BSPH1: variants seen among roughly 807,000 people sequenced by gnomAD.
BSPH1 encodes the protein binder of sperm 1.
A neutral mutation model predicts 22.5 loss-of-function variants in BSPH1; 21 were observed. That is an observed-to-expected ratio of 0.93 (90% confidence interval 0.66 to 1.35). The LOEUF (loss-of-function observed/expected upper bound fraction) is 1.35, where lower values mean the gene tolerates loss of function less well. Among genes scored for constraint, BSPH1 ranks in the 40% most tolerant of loss-of-function variants. The pLI is 0.00. For synonymous variants in BSPH1, 42 were observed against 53.6 expected (o/e 0.78, Z 0.95); for missense variants, 141 against 154.2 (o/e 0.91, Z 0.45).
intron 5 of BSPH1, among the ~76,000 whole-genome samples, chr19:47,970,112 G>A (rs1001132542): frequency 1.1e-4 from 17 of 152,064 alleles, no homozygotes; most frequent in African/African-American, 4.1e-4. Flanking sequence ...AGGCTGGAGT[G>A]CAGTGGCACG....
At chr19:47,990,588 C>T (rs1230124684) in intron 1 of BSPH1, among the ~76,000 whole-genome samples, 3 of 145,256 alleles carry the variant, frequency 2.1e-5, no homozygotes, top group Non-Finnish European at 4.6e-5. Context: ...ATTTTCTTTT[C>T]TGTTCTTTAA....
intron 1 of BSPH1, among the ~76,000 whole-genome samples, chr19:47,985,070 AAAAAAAAAG>A (rs956437179): frequency 3.1e-5 from 4 of 127,968 alleles, no homozygotes; most frequent in Non-Finnish European, 5.0e-5. Context: ...TCTGAAAAAA[AAAAAAAAAG>A]AAAGAAAAAG....
intron 5 of BSPH1, among the ~76,000 whole-genome samples, chr19:47,973,073 C>T (rs1600084085): frequency 6.6e-6 from 1 of 151,800 alleles, no homozygotes; most frequent in Middle Eastern, 3.5e-3. Context: ...AAAAATTAGC[C>T]TGGCGTGGTG....
chr19:47,978,215 C>T (rs8106671), intron 3 of BSPH1, among the ~76,000 whole-genome samples: 87,327 of 151,390 alleles, frequency 0.58, 25,764 homozygotes, highest in Non-Finnish European at 0.62. Context: ...AGCAATCCTC[C>T]CACCTCAACC....
chr19:47,991,875 T>A, intron 1 of BSPH1, 134 bp downstream of exon 1: 1 of 414,618 alleles, frequency 2.4e-6, no homozygotes, highest in East Asian at 6.0e-5. Context: ...TTCTCCTTCC[T>A]CCTCCTTCCC....
chr19:47,969,303 C>T (rs1969287482), intron 5 of BSPH1, among the ~76,000 whole-genome samples: 1 of 152,090 alleles, frequency 6.6e-6, no homozygotes, highest in African/African-American at 2.4e-5. Context: ...TATCAGAGTT[C>T]CTGGCCTGGG....
chr19:47,985,763 A>G (rs1969464475), intron 1 of BSPH1, among the ~76,000 whole-genome samples: 1 of 151,940 alleles, frequency 6.6e-6, no homozygotes, highest in South Asian at 2.1e-4. Context: ...TGAACCTGGG[A>G]CGTGGAGGTT....
chr19:47,970,537 C>G (rs370176658), intron 5 of BSPH1, among the ~76,000 whole-genome samples: 1 of 152,124 alleles, frequency 6.6e-6, no homozygotes, highest in Non-Finnish European at 1.5e-5. Flanking sequence ...TGACTTGATG[C>G]GGATCGCAAG....
intron 1 of BSPH1, among the ~76,000 whole-genome samples, chr19:47,984,162 A>T (rs1376842900): frequency 9.3e-6 from 1 of 107,896 alleles, no homozygotes; most frequent in Non-Finnish European, 1.9e-5. Context: ...AAAAAAAAAA[A>T]AATATATATA....
intron 5 of BSPH1, among the ~76,000 whole-genome samples, chr19:47,975,724 C>T (rs376332925): frequency 4.3e-4 from 64 of 147,506 alleles, no homozygotes; most frequent in African/African-American, 1.5e-3. Context: ...GGTGCGATCT[C>T]GGCTCACTGC....
chr19:47,985,033 C>A (rs1481107434), intron 1 of BSPH1, among the ~76,000 whole-genome samples: 1 of 147,790 alleles, frequency 6.8e-6, no homozygotes, highest in Admixed American at 6.8e-5. Context: ...CACCACTGCA[C>A]TCCAGTCTGG....
chr19:47,980,443 C>T, intron 2 of BSPH1: 1 of 425,412 alleles, frequency 2.4e-6, no homozygotes, highest in Non-Finnish European at 3.1e-6. Context: ...GTAAAATTAA[C>T]AGTAAAATTA....
At chr19:47,991,917 C>A in intron 1 of BSPH1, 92 bp downstream of exon 1, 1 of 772,918 alleles carries the variant, frequency 1.3e-6, no homozygotes, top group Non-Finnish European at 2.1e-6. Context: ...TTTCATCTTT[C>A]ATCCCCACCT....
At chr19:47,976,610 T>G in intron 5 of BSPH1, 100 bp downstream of exon 5, 1 of 464,234 alleles carries the variant, frequency 2.2e-6, no homozygotes, top group Non-Finnish European at 3.6e-6. Context: ...AAAAAAACCC[T>G]CTCTAATGAG....
chr19:47,982,489 G>A (rs151043535), intron 1 of BSPH1, among the ~76,000 whole-genome samples: 6 of 152,170 alleles, frequency 3.9e-5, no homozygotes, highest in Non-Finnish European at 8.8e-5. Flanking sequence ...TTTTCCTTAG[G>A]CACATCTTAT....
chr19:47,988,131 T>G (rs1403547909), intron 1 of BSPH1, among the ~76,000 whole-genome samples: 1 of 152,126 alleles, frequency 6.6e-6, no homozygotes, highest in Non-Finnish European at 1.5e-5. Context: ...ACCAAACCAT[T>G]CACAGAAGGA....
intron 1 of BSPH1, among the ~76,000 whole-genome samples, chr19:47,990,259 C>T (rs1315770905): frequency 3.3e-5 from 5 of 151,968 alleles, no homozygotes; most frequent in African/African-American, 7.2e-5. Flanking sequence ...TACAGGCTAA[C>T]GAGCCCGGGG....
intron 1 of BSPH1, among the ~76,000 whole-genome samples, chr19:47,983,076 C>T (rs753210794): frequency 2.5e-4 from 38 of 152,230 alleles, no homozygotes; most frequent in Non-Finnish European, 4.7e-4. Context: ...TGCACTGGTT[C>T]CAGTATATAG....
At chr19:47,975,601 G>A (rs1201818325) in intron 5 of BSPH1, among the ~76,000 whole-genome samples, 1 of 150,400 alleles carries the variant, frequency 6.6e-6, no homozygotes, top group Admixed American at 6.6e-5. Flanking sequence ...TATCACCTCA[G>A]TTATCACTTT....
Sources: allele counts gnomAD v4.1 joint callset (sites outside exome capture counted in the v4.1 genomes callset), GRCh38; gene constraint gnomAD v4.1.1; transcripts MANE v1.5; gene names NCBI Gene and HGNC (gene_info 2026-07-23, HGNC 2026-07-21).